Variants in CSGALNACT1 observed in about 807,000 individuals in gnomAD.
CSGALNACT1 encodes chondroitin sulfate N-acetylgalactosaminyltransferase 1.
In CSGALNACT1, 52 loss-of-function variants were observed where a neutral mutation model predicts 51.0. The ratio of observed to expected loss-of-function variants is 1.02; its 90% confidence interval spans 0.82 to 1.29. The LOEUF is 1.29. Ranked by LOEUF, CSGALNACT1 falls within the 50% of genes most tolerant of loss-of-function variation. CSGALNACT1 has a pLI of 0.00. For missense variants in CSGALNACT1, 935 were observed against 679.2 expected (o/e 1.38, Z -4.19); for synonymous variants, 341 against 254.4 (o/e 1.34, Z -3.24).
At chr8:19,509,122 G>T (rs1034666780) in intron 3 of CSGALNACT1, among the ~76,000 whole-genome samples, 12 of 152,144 alleles carry the variant, frequency 7.9e-5, no homozygotes, top group Admixed American at 4.6e-4. Context: ...ACGTGTGTCG[G>T]AAACAAAATT....
At chr8:19,719,080 C>T (rs1170264445) in intron 1 of CSGALNACT1, among the ~76,000 whole-genome samples, 7 of 152,168 alleles carry the variant, frequency 4.6e-5, no homozygotes, top group African/African-American at 1.2e-4. Flanking sequence ...TAAATTTGTA[C>T]CCTATTTCTA....
chr8:19,537,355 G>C (rs935172668), intron 3 of CSGALNACT1, among the ~76,000 whole-genome samples: 2 of 152,110 alleles, frequency 1.3e-5, no homozygotes, highest in African/African-American at 4.8e-5. Context: ...AACGGTCTTC[G>C]TGGCTTCAGA....
At chr8:19,688,706 C>T (rs1028468001) in intron 1 of CSGALNACT1, 9 of 152,198 alleles carry the variant, frequency 5.9e-5, no homozygotes, top group Non-Finnish European at 1.3e-4. Context: ...GTATCCTTCT[C>T]CCTCTTTCCT....
At chr8:19,677,196 G>A (rs2060257541) in intron 1 of CSGALNACT1, among the ~76,000 whole-genome samples, 1 of 152,074 alleles carries the variant, frequency 6.6e-6, no homozygotes, top group Non-Finnish European at 1.5e-5. Context: ...GCAGCCTTGA[G>A]TTTTTGGGCT....
At chr8:19,620,561 GAGCTGGGACTAC>G (rs2053688223) in intron 1 of CSGALNACT1, among the ~76,000 whole-genome samples, 1 of 151,796 alleles carries the variant, frequency 6.6e-6, no homozygotes, top group African/African-American at 2.4e-5. Context: ...GCCACCTGAG[GAGCTGGGACTAC>G]AGCATCCACC....
chr8:19,667,047 G>GA (rs1254825687), intron 1 of CSGALNACT1, among the ~76,000 whole-genome samples: 3 of 83,294 alleles, frequency 3.6e-5, no homozygotes, highest in Admixed American at 1.3e-4. Context: ...AAGGAAGAAA[G>GA]AAAGAAAGAA....
intron 3 of CSGALNACT1, among the ~76,000 whole-genome samples, chr8:19,533,426 A>G (rs2083166819): frequency 6.6e-6 from 1 of 151,960 alleles, no homozygotes. Context: ...CCTATTTTTA[A>G]TTTATCCTAA....
At chr8:19,628,547 T>C (rs763892604) in intron 1 of CSGALNACT1, among the ~76,000 whole-genome samples, 8 of 152,140 alleles carry the variant, frequency 5.3e-5, no homozygotes, top group Non-Finnish European at 1.2e-4. Context: ...GAAACTAAGC[T>C]TCAGAAAATT....
chr8:19,732,225 C>T (rs1462721948), intron 1 of CSGALNACT1, among the ~76,000 whole-genome samples: 1 of 152,162 alleles, frequency 6.6e-6, no homozygotes, highest in Admixed American at 6.5e-5. Context: ...CTTTGATGAA[C>T]ATTAACTAAC....
Position 19,457,111 on chromosome 8 carries a change from G to C in CSGALNACT1, c.851+1315C>G, listed in dbSNP as rs544598854. ...ACACACATTGCCTAGAGAACCCTAC[G>C]TCAGAAAGACAGTCTCAATTAAGGG... On this transcript the variant is annotated intron_variant, in intron 5 of 9. Transcript: ENST00000454498. Among the ~76,000 whole-genome samples the C allele has an allele frequency of 2.1e-4, 32 of 152,284 alleles. 1 individual carries two copies. Among genetic ancestry groups the C allele is most frequent in the African/African-American group, 7.0e-4 (29 of 41,550 alleles).
chr8:19,672,313 G>T (rs987686742), intron 1 of CSGALNACT1, among the ~76,000 whole-genome samples: 4 of 152,150 alleles, frequency 2.6e-5, no homozygotes. Context: ...GAACAGAGAA[G>T]AACATGCAAT....
At chr8:19,450,074 GGGAGGAGGGGGA>G (rs1412081719) in intron 5 of CSGALNACT1, among the ~76,000 whole-genome samples, 16 of 126,300 alleles carry the variant, frequency 1.3e-4, no homozygotes, top group African/African-American at 3.3e-4. Context: ...AAGAAAGAGG[GGGAGGAGGGGGA>G]GGAGGAGGGG....
chr8:19,513,428 C>A (rs1216973018), intron 3 of CSGALNACT1, among the ~76,000 whole-genome samples: 20 of 82,916 alleles, frequency 2.4e-4, no homozygotes, highest in South Asian at 1.6e-3. Flanking sequence ...CTCTCTCTCT[C>A]TCTCTCTCTA....
intron 5 of CSGALNACT1, among the ~76,000 whole-genome samples, chr8:19,448,263 T>A (rs2062486041): frequency 6.6e-6 from 1 of 152,218 alleles, no homozygotes; most frequent in Non-Finnish European, 1.5e-5. Flanking sequence ...GTGGATTCAA[T>A]AATAAACACT....
chr8:19,632,918 CTAATTT>C (rs2055488641), intron 1 of CSGALNACT1, among the ~76,000 whole-genome samples: 1 of 132,310 alleles, frequency 7.6e-6, no homozygotes, highest in Admixed American at 8.4e-5. Flanking sequence ...CCACACCCAG[CTAATTT>C]TTTTTTCTTT....
intron 4 of CSGALNACT1, among the ~76,000 whole-genome samples, chr8:19,459,512 G>T (rs910300896): frequency 6.6e-6 from 1 of 151,590 alleles, no homozygotes; most frequent in Non-Finnish European, 1.5e-5. Context: ...CCCTCTGGAA[G>T]CTTCTAGAAG....
chr8:19,701,178 CAG>C (rs2061858869), intron 1 of CSGALNACT1, among the ~76,000 whole-genome samples: 1 of 29,878 alleles, frequency 3.3e-5, no homozygotes, highest in Non-Finnish European at 7.2e-5. Context: ...TTTTTTGATA[CAG>C]AGTCTCACTC....
rs144571533 is a variant in CSGALNACT1, at chr8:19,521,532, A to C, written c.-296-15402T>G. Among the ~76,000 whole-genome samples the C allele has an allele frequency of 3.6e-3, 544 of 152,226 alleles. 7 individuals carry two copies. Among genetic ancestry groups the C allele is most frequent in the South Asian group, 0.027 (130 of 4,820 alleles). On this transcript the variant is annotated intron_variant, in intron 3 of 9. Coordinates refer to ENST00000454498, the Ensembl canonical transcript of CSGALNACT1. ...AACCCATCTCTACTAAAAACACAAA[A>C]ATTATCCAAGCTTGGTGGTGTGCGC...
At chr8:19,655,495 G>A (rs2058179282) in intron 1 of CSGALNACT1, among the ~76,000 whole-genome samples, 1 of 151,908 alleles carries the variant, frequency 6.6e-6, no homozygotes. Context: ...CAAGTAGCTG[G>A]AACTAAGGCA....
Sources: gnomAD v4.1 joint callset for allele counts (sites outside exome capture counted in the v4.1 genomes callset) on GRCh38, gnomAD v4.1.1 for gene constraint, MANE v1.5 for transcripts, NCBI Gene and HGNC (gene_info 2026-07-23, HGNC 2026-07-21) for gene names.